Variants in PRRC1 observed in about 807,000 individuals in gnomAD.
PRRC1 encodes the protein protein PRRC1.
Under a neutral mutation model 40.7 loss-of-function variants are expected in PRRC1, and 39 were observed. The observed-to-expected ratio is 0.96, with a 90% confidence interval of 0.74 to 1.25. The LOEUF (loss-of-function observed/expected upper bound fraction) is 1.25. Ranked by LOEUF, PRRC1 falls within the 50% of genes most tolerant of loss-of-function variation. The probability of loss-of-function intolerance (pLI) is 0.00; values close to 1 mark genes in which losing one functional copy is unlikely to be tolerated. For synonymous variants in PRRC1, 175 were observed against 193.3 expected (o/e 0.91, Z 0.79); for missense variants, 573 against 548.3 (o/e 1.05, Z -0.45).
rs140135403 is a variant in PRRC1, at chr5:127,537,920, A to G, written c.922-1120A>G. On this transcript the variant is annotated intron_variant, in intron 6 of 8. Transcript: ENST00000296666. ...AAGTGTTATTAGATTTGGTGATGCC[A>G]TATTTACACTATTTGTATTCTTAAC... Among the ~76,000 whole-genome samples the G allele has an allele frequency of 1.4e-3, 206 of 152,132 alleles. 3 individuals carry two copies. Among genetic ancestry groups the G allele is most frequent in the Middle Eastern group, 3.4e-3 (1 of 294 alleles).
chr5:127,544,806 G>A (rs1473041136), intron 7 of PRRC1, among the ~76,000 whole-genome samples: 1 of 152,200 alleles, frequency 6.6e-6, no homozygotes, highest in Non-Finnish European at 1.5e-5. Context: ...GACTAGGAAA[G>A]GGAACTCCCT....
At position 127,520,181 on chromosome 5, in the gene PRRC1, G is replaced by T. The variant is rs183375345; in HGVS notation, c.-21+2405G>T. 2.4e-4 allele frequency among the ~76,000 whole-genome samples: 37 copies of T among 152,338 alleles called. 1 individual carries two copies. The South Asian group carries it at 7.2e-3, about 30-fold the overall frequency. ...CCTAACCTCTTCATGCTATATGCCA[G>T]TAGTAGCCCTCTAGTAGTGACAATA... On this transcript the variant is annotated intron_variant, in intron 1 of 8. Transcript: ENST00000296666.
At chr5:127,525,167 C>T (rs900379019) in intron 3 of PRRC1, among the ~76,000 whole-genome samples, 3 of 152,200 alleles carry the variant, frequency 2.0e-5, no homozygotes, top group Admixed American at 2.0e-4. Context: ...CAAATCCTCA[C>T]AGCTCTAGGC....
At chr5:127,530,003 T>C (rs1351753660) in intron 4 of PRRC1, among the ~76,000 whole-genome samples, 1 of 152,052 alleles carries the variant, frequency 6.6e-6, no homozygotes, top group Non-Finnish European at 1.5e-5. Context: ...TATATGTATA[T>C]ACACACACAT....
At chr5:127,541,421 A>G (rs1002023606) in intron 7 of PRRC1, among the ~76,000 whole-genome samples, 9 of 151,726 alleles carry the variant, frequency 5.9e-5, no homozygotes, top group South Asian at 2.1e-4. Context: ...CTCTTTTTCT[A>G]TTGATTGGAA....
chr5:127,518,484 A>G (rs773777212), intron 1 of PRRC1, among the ~76,000 whole-genome samples: 1 of 152,250 alleles, frequency 6.6e-6, no homozygotes, highest in Non-Finnish European at 1.5e-5. Context: ...TTGAGAGACA[A>G]CATGTGCATT....
chr5:127,532,622 CTCTTT>C (rs780161105), intron 5 of PRRC1, among the ~76,000 whole-genome samples: 11 of 152,122 alleles, frequency 7.2e-5, no homozygotes, highest in Non-Finnish European at 1.5e-4. Context: ...TATTCTTCTT[CTCTTT>C]TATGTCCTAG....
intron 7 of PRRC1, among the ~76,000 whole-genome samples, chr5:127,541,863 G>A (rs1403331299): frequency 6.6e-6 from 1 of 151,640 alleles, no homozygotes; most frequent in African/African-American, 2.4e-5. Context: ...GGTTTTTTGT[G>A]TCTCTATTTC....
chr5:127,524,905 G>T lies in PRRC1; in HGVS notation c.478G>T (p.Ala160Ser). The change falls in exon 3 of 9, where the codon GCA becomes TCA. Residue 160 changes from alanine (A) to serine (S), a missense_variant. Transcript: ENST00000296666. ...GACACCCCTGATGCCATCATTTTCT[G>T]CACCTTCAGGAACAGGTAATTCTTT... ...PQTPLMPSFS[A>S]PSGTGLLPTP... The T allele has an allele frequency of 5.0e-6, 8 of 1,603,528 alleles. No individual in the cohort carries two copies. The highest frequency in any genetic ancestry group is 6.0e-6 in the Non-Finnish European group (7 of 1,173,258).
chr5:127,553,761 G>A lies in PRRC1; in HGVS notation c.*1845G>A, dbSNP rs764555821. On this transcript the variant is annotated 3_prime_UTR_variant, in exon 9 of 9. Transcript: ENST00000296666. ...ATGTCTTTTTGATGTTTTGAGAATTGTTCTCATAGAATCACAAATACTGAC... is the reference window on the plus strand; with the variant it reads ...ATGTCTTTTTGATGTTTTGAGAATTATTCTCATAGAATCACAAATACTGAC... 9 of 1,531,632 alleles carry A rather than the reference G, an allele frequency of 5.9e-6. No individual in the cohort carries two copies. Among genetic ancestry groups the A allele is most frequent in the Non-Finnish European group, 6.1e-6 (7 of 1,144,946 alleles). 94.9% of individuals were successfully genotyped at this position (1,531,632 alleles called of 1,614,324 possible).
chr5:127,527,093 G>A (rs10043977), intron 4 of PRRC1, among the ~76,000 whole-genome samples: 3,915 of 152,130 alleles, frequency 0.026, 163 homozygotes, highest in African/African-American at 0.089. Context: ...TTTCTCTTAT[G>A]GCTGCTTCAC....
intron 5 of PRRC1, 61 bp downstream of exon 5, chr5:127,530,457 C>T (rs1289031160): frequency 6.0e-6 from 6 of 1,000,596 alleles, no homozygotes; most frequent in Non-Finnish European, 9.1e-6. Flanking sequence ...TCCACATCAG[C>T]CACTAATTGT....
intron 7 of PRRC1, 36 bp from the exon 8 acceptor site, chr5:127,547,783 C>A: frequency 7.2e-7 from 1 of 1,383,100 alleles, no homozygotes; most frequent in Non-Finnish European, 1.0e-6. Context: ...TTTTATTTGG[C>A]ATATAAACCA....
rs555116415 is a variant in PRRC1 at position 127,534,088 on chromosome 5, A to G, written c.921+302A>G. ...ATTAACATTCAAATCAATTACTGAG[A>G]TGATAATATCCCTTGAATCCCATAA... On this transcript the variant is annotated intron_variant, in intron 6 of 8. Coordinates refer to ENST00000296666, the MANE Select transcript of PRRC1 (RefSeq NM_130809.5). 2.6e-5 allele frequency among the ~76,000 whole-genome samples: 4 copies of G among 152,326 alleles called. No individual in the cohort carries two copies. In the South Asian group the frequency reaches 8.3e-4, roughly 32 times the overall value.
At chr5:127,533,280 T>C (rs114360670) in intron 5 of PRRC1, among the ~76,000 whole-genome samples, 1 of 152,318 alleles carries the variant, frequency 6.6e-6, no homozygotes, top group African/African-American at 2.4e-5. Context: ...CTGCAACTCA[T>C]TGACAAATCA....
At chr5:127,526,990 A>G (rs1488300966) in intron 4 of PRRC1, among the ~76,000 whole-genome samples, 1 of 152,210 alleles carries the variant, frequency 6.6e-6, no homozygotes, top group Non-Finnish European at 1.5e-5. Flanking sequence ...GACAGGTCAG[A>G]TGGATACTAT....
intron 7 of PRRC1, among the ~76,000 whole-genome samples, chr5:127,540,512 G>A (rs776185093): frequency 5.9e-5 from 9 of 151,966 alleles, no homozygotes; most frequent in South Asian, 4.2e-4. Context: ...ATTTTTCTTC[G>A]AAAGGAAGCC....
intron 7 of PRRC1, among the ~76,000 whole-genome samples, chr5:127,544,201 C>T (rs576228188): frequency 3.3e-3 from 495 of 152,280 alleles, no homozygotes; most frequent in Middle Eastern, 0.01. Context: ...TTTCGTGAAC[C>T]GCGAATGCTG....
chr5:127,524,696 T>C lies in PRRC1; in HGVS notation c.269T>C (p.Met90Thr). The stretch of plus-strand genomic sequence containing the variant: ...TCTGTCCCACCACTTGTTACTTCTA[T>C]GCCACCTCCTGTTTCTCCATCAACT... ...VPSVPPLVTSMPPPVSPSTAA... is the reference protein window; with the variant it reads ...VPSVPPLVTSTPPPVSPSTAA... The change falls in exon 3 of 9, where the codon ATG becomes ACG. Residue 90 changes from methionine (M) to threonine (T), a missense_variant. Coordinates refer to ENST00000296666, the MANE Select transcript of PRRC1 (RefSeq NM_130809.5). 1 of 1,614,206 alleles carries C rather than the reference T, an allele frequency of 6.2e-7. No homozygotes were observed. Among genetic ancestry groups the C allele is most frequent in the Non-Finnish European group, 8.5e-7 (1 of 1,180,028 alleles).
Sources: allele counts gnomAD v4.1 joint callset (sites outside exome capture counted in the v4.1 genomes callset), GRCh38; gene constraint gnomAD v4.1.1; transcripts MANE v1.5; gene names NCBI Gene and HGNC (gene_info 2026-07-23, HGNC 2026-07-21).